The following RAB11FIP4 variants were observed in gnomAD, a reference collection of about 807,000 sequenced individuals.
RAB11FIP4 encodes rab11 family-interacting protein 4.
RAB11FIP4 carries 23 observed loss-of-function variants against 74.3 expected under a neutral mutation model. The observed-to-expected ratio is 0.31, with a 90% CI of 0.22 to 0.44. The LOEUF (loss-of-function observed/expected upper bound fraction) is 0.44, where lower values mean the gene tolerates loss of function less well. Among genes scored for constraint, RAB11FIP4 ranks in the 20% least tolerant of loss-of-function variants. The pLI, the probability that RAB11FIP4 is intolerant of heterozygous loss-of-function variation, is 1.00. For missense variants in RAB11FIP4, 630 were observed against 863.9 expected (o/e 0.73, Z 3.39); for synonymous variants, 360 against 359.9 (o/e 1.00, Z 0.00).
chr17:31,501,567 T>G (rs1395001910), intron 3 of RAB11FIP4, among the ~76,000 whole-genome samples: 1 of 152,128 alleles, frequency 6.6e-6, no homozygotes. Context: ...CTGGCTCTGT[T>G]GCCCAGGATG....
In RAB11FIP4 at chr17:31,522,405, G is replaced by T; in HGVS notation, c.929+10G>T. The stretch of plus-strand genomic sequence containing the variant: ...GCACGGCCTTTGGACGGTAAGGCCC[G>T]CCTCGAGGGAGGGCAAATTGAGTGC... On this transcript the variant is annotated intron_variant, in intron 7 of 14. Transcript: ENST00000621161. 1 of 1,613,090 alleles carries T rather than the reference G, an allele frequency of 6.2e-7. No homozygotes were observed. Among genetic ancestry groups the T allele is most frequent in the Non-Finnish European group, 8.5e-7 (1 of 1,179,476 alleles).
At chr17:31,435,577 G>A (rs571280701) in intron 3 of RAB11FIP4, among the ~76,000 whole-genome samples, 1 of 151,810 alleles carries the variant, frequency 6.6e-6, no homozygotes, top group East Asian at 1.9e-4. Context: ...CCCCAGTTCT[G>A]ATGGGTGCCT....
intron 3 of RAB11FIP4, chr17:31,488,086 C>T: frequency 9.9e-7 from 1 of 1,014,996 alleles, no homozygotes; most frequent in Non-Finnish European, 1.2e-6. Flanking sequence ...CGGCAACGGG[C>T]GGGGGCGGGG....
rs1467192267 is a variant in RAB11FIP4, at chr17:31,530,441, C to T, written c.1769C>T (p.Ala590Val). 13 of 1,613,880 alleles carry T rather than the reference C, an allele frequency of 8.1e-6. No individual in the cohort carries two copies. The highest frequency in any genetic ancestry group is 5.0e-5 in the Admixed American group (3 of 59,998). The change falls in exon 14 of 15, where the codon GCG (alanine) becomes GTG (valine). Residue 590 changes from alanine to valine, a missense_variant. Transcript: ENST00000621161. ...AAQTKAQSLA[A>V]EIDTASRDEL... ...CAGACTAAAGCCCAGTCTCTGGCTG[C>T]GGAGATAGACACCGCCTCGCGCGAT...
chr17:31,484,970 A>ATATG (rs2071886879), intron 3 of RAB11FIP4, among the ~76,000 whole-genome samples: 1 of 152,230 alleles, frequency 6.6e-6, no homozygotes, highest in Non-Finnish European at 1.5e-5. Context: ...TAAAGCCAAG[A>ATATG]TATGGCCCTT....
At chr17:31,471,249 G>A (rs1240206892) in intron 3 of RAB11FIP4, among the ~76,000 whole-genome samples, 3 of 144,598 alleles carry the variant, frequency 2.1e-5, no homozygotes, top group Non-Finnish European at 4.5e-5. Context: ...TTTTTTTGTA[G>A]AGATAAGATC....
chr17:31,487,739 C>T (rs2142745879), intron 3 of RAB11FIP4, among the ~76,000 whole-genome samples: 2 of 152,250 alleles, frequency 1.3e-5, no homozygotes, highest in Middle Eastern at 3.4e-3. Flanking sequence ...CAAGAGACTA[C>T]AGCGCCTACC....
chr17:31,506,320 G>A (rs950654076), intron 3 of RAB11FIP4, among the ~76,000 whole-genome samples: 2 of 152,168 alleles, frequency 1.3e-5, no homozygotes, highest in Admixed American at 1.3e-4. Flanking sequence ...TGATACACAT[G>A]TGTATTGTGG....
intron 1 of RAB11FIP4, among the ~76,000 whole-genome samples, chr17:31,400,496 G>A (rs2070974531): frequency 6.6e-6 from 1 of 152,176 alleles, no homozygotes; most frequent in Non-Finnish European, 1.5e-5. Context: ...TACAGGATCA[G>A]ACTTAGGTTT....
At chr17:31,521,862 G>C in intron 5 of RAB11FIP4, 53 bp from the exon 6 acceptor site, 1 of 1,607,898 alleles carries the variant, frequency 6.2e-7, no homozygotes, top group Middle Eastern at 1.7e-4. Flanking sequence ...GGTGGTGTAG[G>C]GCACCAGACT....
intron 3 of RAB11FIP4, among the ~76,000 whole-genome samples, chr17:31,458,194 G>C (rs769180344): frequency 3.3e-5 from 5 of 152,142 alleles, no homozygotes; most frequent in African/African-American, 1.2e-4. Flanking sequence ...CTCAGAATGC[G>C]GGCTGAGTCC....
At chr17:31,411,320 C>T (rs1249892865) in intron 1 of RAB11FIP4, among the ~76,000 whole-genome samples, 2 of 152,172 alleles carry the variant, frequency 1.3e-5, no homozygotes, top group African/African-American at 4.8e-5. Context: ...GCCAAGATCG[C>T]ACCACTTCAC....
chr17:31,405,947 G>C (rs1311798618), intron 1 of RAB11FIP4, among the ~76,000 whole-genome samples: 1 of 151,678 alleles, frequency 6.6e-6, no homozygotes, highest in African/African-American at 2.4e-5. Flanking sequence ...CCTCATCCCA[G>C]GCACCGACTG....
chr17:31,416,478 C>T (rs191279150), intron 1 of RAB11FIP4, among the ~76,000 whole-genome samples: 1 of 152,300 alleles, frequency 6.6e-6, no homozygotes, highest in African/African-American at 2.4e-5. Context: ...CCCTTCCCAT[C>T]CTGGCCTCAG....
intron 3 of RAB11FIP4, among the ~76,000 whole-genome samples, chr17:31,443,816 GA>G (rs1322968513): frequency 1.6e-4 from 25 of 152,244 alleles, no homozygotes; most frequent in Admixed American, 1.6e-3. Context: ...TTGGGAGGCT[GA>G]GGCACAAGAA....
intron 1 of RAB11FIP4, among the ~76,000 whole-genome samples, chr17:31,411,047 T>C (rs1051211157): frequency 2.0e-5 from 3 of 152,084 alleles, no homozygotes; most frequent in African/African-American, 7.2e-5. Flanking sequence ...GCGTAGGCCC[T>C]GGATCAGAAT....
At chr17:31,414,912 G>A (rs1671243504) in intron 1 of RAB11FIP4, among the ~76,000 whole-genome samples, 1 of 152,224 alleles carries the variant, frequency 6.6e-6, no homozygotes, top group African/African-American at 2.4e-5. Context: ...CCAAGGTAGG[G>A]CAGCTCCAGG....
chr17:31,530,535 C>T (rs1328514362), intron 14 of RAB11FIP4, 66 bp downstream of exon 14: 1 of 1,578,746 alleles, frequency 6.3e-7, no homozygotes, highest in African/African-American at 1.4e-5. Flanking sequence ...TCCCGGCCCC[C>T]ACCTGCCCAG....
intron 3 of RAB11FIP4, among the ~76,000 whole-genome samples, chr17:31,460,549 C>CA (rs2071624593): frequency 6.6e-6 from 1 of 152,182 alleles, no homozygotes; most frequent in Non-Finnish European, 1.5e-5. Context: ...GACAGCAAGA[C>CA]AGAGTGCTAG....
Sources: gnomAD v4.1 joint callset for allele counts (sites outside exome capture counted in the v4.1 genomes callset) on GRCh38, gnomAD v4.1.1 for gene constraint, MANE v1.5 for transcripts, NCBI Gene and HGNC (gene_info 2026-07-23, HGNC 2026-07-21) for gene names.